The following HERC1 variants were observed in gnomAD, a reference collection of about 807,000 sequenced individuals.
HERC1 encodes HECT and RLD domain containing E3 ubiquitin protein ligase family member 1.
HERC1 carries 160 observed loss-of-function variants against 554.3 expected under a neutral mutation model. The observed-to-expected ratio is 0.29, with a 90% CI of 0.25 to 0.33. The LOEUF is 0.33. Ranked by LOEUF, HERC1 falls within the 10% of genes least tolerant of loss-of-function variation. The pLI is 1.00. For synonymous variants in HERC1, 2,175 were observed against 2,131.7 expected (o/e 1.02, Z -0.56); for missense variants, 4,919 against 5,918.5 (o/e 0.83, Z 5.54).
intron 68 of HERC1, among the ~76,000 whole-genome samples, chr15:63,631,975 T>C (rs1407785556): frequency 1.3e-5 from 2 of 152,206 alleles, no homozygotes; most frequent in African/African-American, 2.4e-5. Flanking sequence ...ACTACTATCA[T>C]TATGCAGCTA....
chr15:63,799,442 G>A (rs1387438987), intron 1 of HERC1, among the ~76,000 whole-genome samples: 3 of 151,850 alleles, frequency 2.0e-5, no homozygotes, highest in East Asian at 1.9e-4. Flanking sequence ...CAAGGCTGCC[G>A]TGAGCTATGA....
In HERC1 at chr15:63,718,121, C is replaced by T. The variant is rs6494429; in HGVS notation, c.3978+453G>A. Among the ~76,000 whole-genome samples the T allele has an allele frequency of 0.078, 11,100 of 142,930 alleles. 835 individuals carry two copies. Among genetic ancestry groups the T allele is most frequent in the African/African-American group, 0.098 (3,742 of 38,044 alleles). The allele number at this position is 142,930 out of a possible 152,430, so 93.8% of individuals were successfully genotyped here. A position where few individuals can be genotyped will look rare whatever the true frequency, so the allele number is the denominator to read the frequency against. ...ACACACACACACACACACACACACA[C>T]ACAACCCCCTCCTTGGTTTTCACTT... On this transcript the variant is annotated intron_variant, in intron 21 of 77. Coordinates refer to ENST00000443617, the MANE Select transcript of HERC1 (RefSeq NM_003922.4). This position sits in a 1 kb window ranked among gnomAD's most constrained non-coding sequence, Gnocchi z 4.2.
chr15:63,626,499 T>C (rs1050425026), intron 70 of HERC1, among the ~76,000 whole-genome samples: 8 of 152,234 alleles, frequency 5.3e-5, no homozygotes, highest in Non-Finnish European at 8.8e-5. Context: ...TATTTAATAA[T>C]TGTCATCTTC....
intron 42 of HERC1, among the ~76,000 whole-genome samples, chr15:63,665,694 T>A (rs1448352329): frequency 6.6e-6 from 1 of 152,208 alleles, no homozygotes; most frequent in African/African-American, 2.4e-5. Flanking sequence ...TACACAAAAA[T>A]TATGAAATTT....
Position 63,618,462 on chromosome 15 carries a change from C to A in HERC1, c.13689-1780G>T, listed in dbSNP as rs528673153. Among the ~76,000 whole-genome samples the A allele has an allele frequency of 3.3e-5, 5 of 151,928 alleles. No individual in the cohort carries two copies. In the East Asian group the frequency reaches 9.7e-4, roughly 29 times the overall value. Reference sequence around the variant, plus strand: ...GATGCCTCCAGCTTTGTTCTTTTGGCTTAGGATTGACTTGGCAATGCGGGC... The same window carrying A: ...GATGCCTCCAGCTTTGTTCTTTTGGATTAGGATTGACTTGGCAATGCGGGC... On this transcript the variant is annotated intron_variant, in intron 74 of 77. Transcript: ENST00000443617.
In HERC1 at chr15:63,727,881, T is replaced by C. The variant is rs760078639; in HGVS notation, c.3155-43A>G. 1 of 1,510,870 alleles carries C rather than the reference T, an allele frequency of 6.6e-7. No homozygotes were observed. Among genetic ancestry groups the C allele is most frequent in the Admixed American group, 1.9e-5 (1 of 53,312 alleles). 93.6% of individuals were successfully genotyped at this position (1,510,870 alleles called of 1,614,324 possible). ...TTAAACATGGGACAATTGCTTCAAA[T>C]GAACTTTAAAAAAAGGAACCTAATA... is the stretch of plus-strand genomic sequence containing the variant. On this transcript the variant is annotated intron_variant, in intron 16 of 77. Transcript: ENST00000443617. This position sits in a 1 kb window ranked among gnomAD's most constrained non-coding sequence, Gnocchi z 4.3.
At chr15:63,770,461 C>T (rs1216721070) in intron 2 of HERC1, among the ~76,000 whole-genome samples, 3 of 152,160 alleles carry the variant, frequency 2.0e-5, no homozygotes, top group African/African-American at 7.2e-5. Context: ...ATCTTTTTAA[C>T]CCAGTGCCTA....
rs1225527966 is a variant in HERC1 at position 63,727,643 on chromosome 15, T to G, written c.3346+4A>C. 2 of 1,603,732 alleles carry G rather than the reference T, an allele frequency of 1.2e-6. No homozygotes were observed. Among genetic ancestry groups the G allele is most frequent in the African/African-American group, 1.3e-5 (1 of 74,714 alleles). On this transcript the variant is annotated splice_donor_region_variant and intron_variant, in intron 17 of 77. Transcript: ENST00000443617. The surrounding 1 kb of genome is among the most constrained non-coding windows in gnomAD (Gnocchi z 4.3). ...TTATTTGCTCTTTTATTGTCTTTAC[T>G]TACCATGAAGAGGCCACTGTAACTC...
intron 1 of HERC1, among the ~76,000 whole-genome samples, chr15:63,819,145 T>C (rs948562034): frequency 6.6e-6 from 1 of 152,146 alleles, no homozygotes; most frequent in African/African-American, 2.4e-5. Context: ...CCACTACTCA[T>C]ACTCTGGCAA....
At chr15:63,800,846 CTTAGATAGCTTCAGGATGA>C (rs1354092407) in intron 1 of HERC1, among the ~76,000 whole-genome samples, 1 of 151,696 alleles carries the variant, frequency 6.6e-6, no homozygotes, top group Non-Finnish European at 1.5e-5. Context: ...TTAGTGGGCC[CTTAGATAGCTTCAGGATGA>C]AGGCTGGTTG....
intron 60 of HERC1, among the ~76,000 whole-genome samples, chr15:63,640,863 C>T (rs1402050146): frequency 1.3e-5 from 2 of 152,138 alleles, no homozygotes; most frequent in African/African-American, 2.4e-5. Context: ...AACTATTTAA[C>T]CACAGAGATC....
At chr15:63,724,425 T>C (rs1327453945) in intron 18 of HERC1, among the ~76,000 whole-genome samples, 1 of 152,202 alleles carries the variant, frequency 6.6e-6, no homozygotes, top group Admixed American at 6.5e-5. Flanking sequence ...TATTTGGAAA[T>C]GGAGGAAAAT....
intron 1 of HERC1, among the ~76,000 whole-genome samples, chr15:63,794,332 C>T (rs1183710777): frequency 1.3e-5 from 2 of 152,188 alleles, no homozygotes; most frequent in Non-Finnish European, 2.9e-5. Flanking sequence ...TGGATCAGAA[C>T]CCCTTTCCTG....
chr15:63,674,486 G>A lies in HERC1; in HGVS notation c.7702C>T (p.Arg2568Ter). ...ATGACTGCTCGCTTCACCATGTGTC[G>A]CATCAAGAACTGCAGGGCTGCTCGC... Reference protein sequence around the residue: ...EMRAALQFLMRHMVKRAVMRS... With the variant: ...EMRAALQFLM The change falls in exon 38 of 78, where the codon CGA (arginine) becomes TGA (stop). Residue 2568 changes from arginine to a stop codon, truncating the protein, a stop_gained. Transcript: ENST00000443617. LOFTEE classifies it high-confidence loss of function. The A allele has an allele frequency of 1.9e-6, 3 of 1,613,730 alleles. No homozygotes were observed. Among genetic ancestry groups the A allele is most frequent in the Non-Finnish European group, 2.5e-6 (3 of 1,179,824 alleles).
chr15:63,631,857 C>T (rs937889253), intron 68 of HERC1, among the ~76,000 whole-genome samples: 8 of 152,150 alleles, frequency 5.3e-5, no homozygotes, highest in African/African-American at 1.9e-4. Flanking sequence ...AGTCTTATTC[C>T]TGTGCCCACC....
At chr15:63,704,054 CT>C (rs2072871973) in intron 25 of HERC1, among the ~76,000 whole-genome samples, 1 of 152,096 alleles carries the variant, frequency 6.6e-6, no homozygotes, top group South Asian at 2.1e-4. Flanking sequence ...GCAGGTTCAA[CT>C]GCCCAACTGA....
rs768843850 is a variant in HERC1, at chr15:63,686,484, A to G, written c.6100T>C (p.Ser2034Pro). The G allele has an allele frequency of 3.1e-6, 5 of 1,613,868 alleles. No homozygotes were observed. The highest frequency in any genetic ancestry group is 4.2e-6 in the Non-Finnish European group (5 of 1,179,820). Residue 2034 changes from serine to proline, a missense_variant, in exon 34 of 78, where the codon TCC (serine) becomes CCC (proline). Physicochemically the swap from Ser to Pro is moderately conservative, Grantham distance 74 (BLOSUM62 -1). This residue lies in a region of HERC1 where 1,121 missense variants were observed against 1,244.0 expected (regional missense o/e 0.90). Transcript: ENST00000443617. ...CACTGAGCTTTCTCCGGGTCAAAGG[A>G]TACTTCTTGGATAGGAAGATTCTCA... ...EDENLPIQEV[S>P]FDPEKAQCCL...
intron 8 of HERC1, among the ~76,000 whole-genome samples, chr15:63,751,302 G>C (rs1385061211): frequency 1.3e-5 from 2 of 152,148 alleles, no homozygotes; most frequent in African/African-American, 2.4e-5. Flanking sequence ...ACAGTAACAT[G>C]CAGTACAGGT....
intron 25 of HERC1, among the ~76,000 whole-genome samples, chr15:63,703,359 G>A (rs2072833630): frequency 6.6e-6 from 1 of 152,216 alleles, no homozygotes; most frequent in Admixed American, 6.5e-5. Context: ...GCCCTCTCAA[G>A]GAGGAGCCTT....
Sources: gnomAD v4.1 joint callset for allele counts (sites outside exome capture counted in the v4.1 genomes callset) on GRCh38, gnomAD v4.1.1 for gene constraint, gnomAD v4.1.1 regional missense constraint, Gnocchi (gnomAD v3.1) non-coding constraint, MANE v1.5 for transcripts, NCBI Gene and HGNC (gene_info 2026-07-23, HGNC 2026-07-21) for gene names.